The following ZYG11B variants were observed in gnomAD, a reference collection of about 807,000 sequenced individuals.
The protein encoded by ZYG11B is protein zyg-11 homolog B.
Under a neutral mutation model 82.4 loss-of-function variants are expected in ZYG11B, and 36 were observed. The observed-to-expected ratio is 0.44, with a 90% CI of 0.33 to 0.58. The LOEUF (loss-of-function observed/expected upper bound fraction) is 0.58. Ranked by LOEUF, ZYG11B falls within the 20% of genes least tolerant of loss-of-function variation. The pLI is 0.02. For missense variants in ZYG11B, 552 were observed against 895.6 expected, an observed-to-expected ratio of 0.62 and a Z score of 4.90; for synonymous variants, 303 against 312.8, an observed-to-expected ratio of 0.97 and a Z score of 0.33.
intron 5 of ZYG11B, among the ~76,000 whole-genome samples, chr1:52,787,927 A>G (rs1408678465): frequency 6.6e-6 from 1 of 152,218 alleles, no homozygotes; most frequent in African/African-American, 2.4e-5. Flanking sequence ...TGCTGGCTGG[A>G]TTGGTGTATA....
At chr1:52,758,579 C>T (rs1175888636) in intron 2 of ZYG11B, among the ~76,000 whole-genome samples, 1 of 152,170 alleles carries the variant, frequency 6.6e-6, no homozygotes, top group African/African-American at 2.4e-5. Flanking sequence ...ATCCCTGCTC[C>T]TGGATGCCAC....
intron 2 of ZYG11B, among the ~76,000 whole-genome samples, chr1:52,759,490 C>T (rs112409663): frequency 2.0e-5 from 3 of 152,180 alleles, no homozygotes; most frequent in Admixed American, 2.0e-4. Context: ...CTTTGAGAAG[C>T]TACATGCTTG....
intron 2 of ZYG11B, among the ~76,000 whole-genome samples, chr1:52,761,380 C>G (rs1239180420): frequency 6.6e-6 from 1 of 152,198 alleles, no homozygotes; most frequent in Non-Finnish European, 1.5e-5. Context: ...ACCTGTTCTA[C>G]TTTTACTTCT....
chr1:52,784,835 T>C, intron 4 of ZYG11B, 42 bp from the exon 5 acceptor site: 1 of 1,583,642 alleles, frequency 6.3e-7, no homozygotes, highest in Non-Finnish European at 8.6e-7. Flanking sequence ...AGAGGGCTTG[T>C]ATTTATAAGG....
intron 4 of ZYG11B, among the ~76,000 whole-genome samples, chr1:52,780,206 A>G (rs1644843730): frequency 6.6e-6 from 1 of 152,218 alleles, no homozygotes; most frequent in South Asian, 2.1e-4. Context: ...AGCAATATAA[A>G]TGTCTTGTAG....
At chr1:52,788,596 T>C (rs992546007) in intron 5 of ZYG11B, among the ~76,000 whole-genome samples, 2 of 152,170 alleles carry the variant, frequency 1.3e-5, no homozygotes, top group Non-Finnish European at 2.9e-5. Context: ...CTGTGCACTG[T>C]GGCTTGCCTT....
At chr1:52,732,024 A>G (rs567604972) in intron 1 of ZYG11B, among the ~76,000 whole-genome samples, 1 of 152,204 alleles carries the variant, frequency 6.6e-6, no homozygotes, top group Non-Finnish European at 1.5e-5. Flanking sequence ...GCTGCTCTCA[A>G]ACTCCTGGAC....
chr1:52,804,948 G>C (rs865929916), intron 10 of ZYG11B, among the ~76,000 whole-genome samples: 1 of 151,590 alleles, frequency 6.6e-6, no homozygotes, highest in African/African-American at 2.4e-5. Context: ...AAAATTAGCC[G>C]GGCGTGGTGG....
intron 2 of ZYG11B, among the ~76,000 whole-genome samples, chr1:52,768,368 C>T (rs990443200): frequency 6.6e-6 from 1 of 152,224 alleles, no homozygotes; most frequent in African/African-American, 2.4e-5. Context: ...CATCTCTTCA[C>T]CTTTCAGAGT....
At chr1:52,746,998 C>T (rs1644483422) in intron 1 of ZYG11B, among the ~76,000 whole-genome samples, 1 of 151,208 alleles carries the variant, frequency 6.6e-6, no homozygotes, top group South Asian at 2.1e-4. Context: ...GTTCAAGGTC[C>T]AGTTCTGCCA....
chr1:52,819,005 A>G (rs497535), intron 13 of ZYG11B, among the ~76,000 whole-genome samples: 90,014 of 151,750 alleles, frequency 0.59, 29,405 homozygotes, highest in East Asian at 0.97. Context: ...TTTTGGCCAG[A>G]CTGGTCTCGA....
intron 12 of ZYG11B, among the ~76,000 whole-genome samples, chr1:52,816,313 A>G (rs913252385): frequency 6.6e-6 from 1 of 152,146 alleles, no homozygotes; most frequent in Non-Finnish European, 1.5e-5. Flanking sequence ...CTCTTTCACT[A>G]CCATGTTCTA....
intron 3 of ZYG11B, 119 bp from the exon 4 acceptor site, chr1:52,779,734 C>T (rs2149944176): frequency 2.4e-6 from 3 of 1,229,470 alleles, no homozygotes; most frequent in East Asian, 2.5e-5. Flanking sequence ...ACATGATCCA[C>T]CCACCTTGGC....
intron 6 of ZYG11B, among the ~76,000 whole-genome samples, chr1:52,794,981 C>T (rs1401966922): frequency 6.6e-6 from 1 of 152,172 alleles, no homozygotes. Flanking sequence ...ATCGAGTAGT[C>T]CTGCTCATGT....
chr1:52,795,890 A>G (rs1645002561), intron 6 of ZYG11B, among the ~76,000 whole-genome samples: 1 of 152,204 alleles, frequency 6.6e-6, no homozygotes, highest in Non-Finnish European at 1.5e-5. Context: ...AATATCTGGC[A>G]CAAAGCAAGA....
intron 1 of ZYG11B, among the ~76,000 whole-genome samples, chr1:52,739,083 G>A (rs566341283): frequency 4.4e-4 from 62 of 140,132 alleles, no homozygotes; most frequent in Non-Finnish European, 6.6e-4. Flanking sequence ...CGCCTCCCGG[G>A]GTCAAGCGAT....
intron 2 of ZYG11B, among the ~76,000 whole-genome samples, chr1:52,760,316 C>T (rs940788122): frequency 6.6e-5 from 10 of 152,028 alleles, no homozygotes; most frequent in Admixed American, 2.0e-4. Context: ...TGGTGGCGGG[C>T]GCCTGTAATC....
chr1:52,726,697 G>A lies in ZYG11B; in HGVS notation c.30+14G>A. On this transcript the variant is annotated intron_variant, in intron 1 of 13. Coordinates refer to ENST00000294353, the MANE Select transcript of ZYG11B (RefSeq NM_024646.3). The stretch of plus-strand genomic sequence containing the variant: ...GGCGCAGCCATGGTGAGGGAGCAAG[G>A]CCTGCCCTAGCCGCAGCCGCCCGCC... 1.4e-6 allele frequency: 2 copies of A among 1,472,014 alleles called. No homozygotes were observed. The highest frequency in any genetic ancestry group is 2.6e-5 in the South Asian group (2 of 77,652). 91.2% of individuals were successfully genotyped at this position (1,472,014 alleles called of 1,614,324 possible).
intron 1 of ZYG11B, among the ~76,000 whole-genome samples, chr1:52,737,490 CT>C (rs1644387348): frequency 1.3e-5 from 2 of 151,968 alleles, no homozygotes; most frequent in Admixed American, 1.3e-4. Context: ...ACAATATTGG[CT>C]GGTGGTGGCT....
Sources: gnomAD v4.1 joint callset for allele counts (sites outside exome capture counted in the v4.1 genomes callset) on GRCh38, gnomAD v4.1.1 for gene constraint, MANE v1.5 for transcripts, NCBI Gene and HGNC (gene_info 2026-07-23, HGNC 2026-07-21) for gene names.